Variants in SLC5A8 observed in about 807,000 individuals in gnomAD.
The protein encoded by SLC5A8 is sodium-coupled monocarboxylate transporter 1.
A neutral mutation model predicts 71.9 loss-of-function variants in SLC5A8; 55 were observed. The ratio of observed to expected loss-of-function variants is 0.77; its 90% CI spans 0.62 to 0.96. SLC5A8 has a LOEUF of 0.96. Ranked by LOEUF, SLC5A8 falls within the 40% of genes least tolerant of loss-of-function variation. The pLI is 0.00. For synonymous variants in SLC5A8, 307 were observed against 276.1 expected (o/e 1.11, Z -1.11); for missense variants, 701 against 745.3 (o/e 0.94, Z 0.69).
intron 14 of SLC5A8, 54 bp from the exon 15 acceptor site, chr12:101,157,455 C>A: frequency 6.6e-7 from 1 of 1,521,358 alleles, no homozygotes; most frequent in Non-Finnish European, 8.8e-7. Context: ...GCTCTTCATT[C>A]ATGTAATTCT....
Position 101,209,915 on chromosome 12 carries a change from G to A in SLC5A8, c.-67C>T. ...CCGCGGCGCGCAGCCGGAGCCCGGCGCGCACTTCTTATCCCGGATCCCTGG... is the reference window on the plus strand; with the variant it reads ...CCGCGGCGCGCAGCCGGAGCCCGGCACGCACTTCTTATCCCGGATCCCTGG... On this transcript the variant is annotated 5_prime_UTR_variant, in exon 1 of 15. Coordinates refer to ENST00000536262, the MANE Select transcript of SLC5A8 (RefSeq NM_145913.5). The A allele has an allele frequency of 7.2e-7, 1 of 1,380,908 alleles. No individual in the cohort carries two copies. The highest frequency in any genetic ancestry group is 9.6e-7 in the Non-Finnish European group (1 of 1,044,946). 85.5% of individuals were successfully genotyped at this position (1,380,908 alleles called of 1,614,324 possible).
At chr12:101,174,093 G>A (rs546490633) in intron 10 of SLC5A8, among the ~76,000 whole-genome samples, 95 of 152,326 alleles carry the variant, frequency 6.2e-4, no homozygotes, top group African/African-American at 2.2e-3. Flanking sequence ...ACACTACGGA[G>A]TGTTCCGGAG....
At position 101,200,769 on chromosome 12, in the gene SLC5A8, A is replaced by T. The variant is rs76945811; in HGVS notation, c.469+1395T>A. Among the ~76,000 whole-genome samples the T allele has an allele frequency of 1.7e-3, 252 of 152,264 alleles. 1 individual carries two copies. Among genetic ancestry groups the T allele is most frequent in the African/African-American group, 5.8e-3 (242 of 41,580 alleles). ...AATTAAAATGGACCATGAGTTGATAAATATTAACATAGAGTGATGAATGAG... is the reference window on the plus strand; with the variant it reads ...AATTAAAATGGACCATGAGTTGATATATATTAACATAGAGTGATGAATGAG... On this transcript the variant is annotated intron_variant, in intron 3 of 14. Transcript: ENST00000536262.
chr12:101,189,154 G>C (rs1868792084), intron 6 of SLC5A8, among the ~76,000 whole-genome samples: 1 of 152,156 alleles, frequency 6.6e-6, no homozygotes, highest in South Asian at 2.1e-4. Flanking sequence ...ATGTTCCCAA[G>C]GGAAGAGAAG....
chr12:101,196,830 A>G (rs1024666265), intron 3 of SLC5A8, among the ~76,000 whole-genome samples: 1 of 152,184 alleles, frequency 6.6e-6, no homozygotes, highest in Non-Finnish European at 1.5e-5. Context: ...CTTAAAATCA[A>G]CAGAGGAAAT....
intron 3 of SLC5A8, among the ~76,000 whole-genome samples, chr12:101,195,695 C>CT (rs11338261): frequency 0.014 from 1,341 of 97,312 alleles, 4 homozygotes; most frequent in Non-Finnish European, 0.018. Flanking sequence ...ATGGTAATTC[C>CT]TTTTTTTTTT....
rs1869598546 is a variant in SLC5A8, at chr12:101,204,552, C to T, written c.365G>A (p.Arg122Gln). Residue 122 changes from arginine (R) to glutamine (Q), a missense_variant, in exon 2 of 15, where the codon CGA (arginine) becomes CAA (glutamine). By Grantham distance (43) the Arg-to-Gln change is conservative (BLOSUM62 1). Coordinates refer to ENST00000536262, the MANE Select transcript of SLC5A8 (RefSeq NM_145913.5). The stretch of plus-strand genomic sequence containing the variant: ...ACAGAGACGAACACATTTGTTAAAT[C>T]GAAGTTCTAAATACTGTTGCAAAAA... Reference protein sequence around the residue: ...ITSTYEYLELRFNKCVRLCGT... With the variant: ...ITSTYEYLELQFNKCVRLCGT... 2.5e-6 allele frequency: 4 copies of T among 1,596,988 alleles called. No individual in the cohort carries two copies. Among genetic ancestry groups the T allele is most frequent in the Non-Finnish European group, 2.6e-6 (3 of 1,173,580 alleles).
At chr12:101,175,493 A>G (rs982044347) in intron 10 of SLC5A8, among the ~76,000 whole-genome samples, 1 of 152,092 alleles carries the variant, frequency 6.6e-6, no homozygotes, top group African/African-American at 2.4e-5. Flanking sequence ...GAAGCTGAGT[A>G]ACCCTAAAAA....
At chr12:101,158,598 C>CTCTATATATATATATATATATA (rs1411795424) in intron 13 of SLC5A8, among the ~76,000 whole-genome samples, 1 of 21,242 alleles carries the variant, frequency 4.7e-5, no homozygotes, top group South Asian at 2.0e-3. Flanking sequence ...CTCTCTCTCT[C>CTCTATATATATATATATATATA]TATATATATA....
At chr12:101,186,429 T>C (rs1189409228) in intron 7 of SLC5A8, among the ~76,000 whole-genome samples, 1 of 152,210 alleles carries the variant, frequency 6.6e-6, no homozygotes, top group Non-Finnish European at 1.5e-5. Context: ...TCTATTTTCA[T>C]TCTAATGAAT....
At chr12:101,195,681 G>A (rs1006975694) in intron 3 of SLC5A8, among the ~76,000 whole-genome samples, 1 of 148,672 alleles carries the variant, frequency 6.7e-6, no homozygotes, top group African/African-American at 2.5e-5. Context: ...ATTTAATAAA[G>A]GTAATGGTAA....
At chr12:101,166,794 T>C (rs1426884435) in intron 11 of SLC5A8, 95 bp from the exon 12 acceptor site, 13 of 1,137,798 alleles carry the variant, frequency 1.1e-5, no homozygotes, top group Middle Eastern at 2.2e-4. Flanking sequence ...GGCACGAAAT[T>C]ATAAAACTCA....
intron 5 of SLC5A8, among the ~76,000 whole-genome samples, chr12:101,191,075 A>G (rs922451108): frequency 6.6e-6 from 1 of 152,202 alleles, no homozygotes; most frequent in African/African-American, 2.4e-5. Flanking sequence ...CATAGTTCTA[A>G]TCTATATTCA....
In SLC5A8 at chr12:101,172,395, A is replaced by T. The variant is rs149535618; in HGVS notation, c.1234-4213T>A. Among the ~76,000 whole-genome samples, 1,459 of 152,236 alleles carry T rather than the reference A, an allele frequency of 9.6e-3. 30 individuals are homozygous for T. The highest frequency in any genetic ancestry group is 0.054 in the South Asian group (258 of 4,808). Reference sequence around the variant, plus strand: ...GATGGGTGGTAGGTCAGTGGGTGGGATGACTGGACGACATTGGTATTAAGG... The same window carrying T: ...GATGGGTGGTAGGTCAGTGGGTGGGTTGACTGGACGACATTGGTATTAAGG... On this transcript the variant is annotated intron_variant, in intron 10 of 14. Transcript: ENST00000536262.
chr12:101,181,784 T>G (rs1868374791), intron 9 of SLC5A8, among the ~76,000 whole-genome samples: 1 of 152,336 alleles, frequency 6.6e-6, no homozygotes, highest in African/African-American at 2.4e-5. Flanking sequence ...TCTGAAATTA[T>G]GTTCCAGGAT....
chr12:101,210,180 G>GATAC lies in SLC5A8; in HGVS notation c.-333_-332insGTAT. 3.3e-6 allele frequency: 1 copy of GATAC among 301,126 alleles called. No individual in the cohort carries two copies. The highest frequency in any genetic ancestry group is 5.2e-5 in the Admixed American group (1 of 19,408). The allele number at this position is 301,126 out of a possible 1,614,324, so 18.7% of individuals were successfully genotyped here. A position where few individuals can be genotyped will look rare whatever the true frequency, so the allele number is the denominator to read the frequency against. On this transcript the variant is annotated 5_prime_UTR_variant, in exon 1 of 15. Coordinates refer to ENST00000536262, the MANE Select transcript of SLC5A8 (RefSeq NM_145913.5). ...GGGGACACCTGAGCAGATGAGAACT[G>GATAC]GAGCCTCCAGCTGCTTCCAGCGAAT... is the stretch of plus-strand genomic sequence containing the variant.
Position 101,204,395 on chromosome 12 carries a change from A to T in SLC5A8, c.417+105T>A, listed in dbSNP as rs150444399. The T allele has an allele frequency of 1.1e-5, 11 of 965,784 alleles. No homozygotes were observed. The African/African-American group carries it at 1.3e-4, about 12-fold the overall frequency. 59.8% of individuals were successfully genotyped at this position (965,784 alleles called of 1,614,324 possible). ...TTTTTTGTTCCCTCATTTTTTCAAC[A>T]TCTCTTTTTTGTCTTTTATGTGATT... On this transcript the variant is annotated intron_variant, in intron 2 of 14. Coordinates refer to ENST00000536262, the MANE Select transcript of SLC5A8 (RefSeq NM_145913.5).
chr12:101,180,772 T>G (rs1186478901), intron 9 of SLC5A8, among the ~76,000 whole-genome samples: 1 of 151,066 alleles, frequency 6.6e-6, no homozygotes, highest in Non-Finnish European at 1.5e-5. Flanking sequence ...CAGGCTGGCC[T>G]CAAACTCCTG....
rs199982607 is a variant in SLC5A8, at chr12:101,180,017, G to A, written c.1233+12C>T. 14 of 1,613,772 alleles carry A rather than the reference G, an allele frequency of 8.7e-6. No individual in the cohort carries two copies. The East Asian group carries it at 1.3e-4, about 15-fold the overall frequency. On this transcript the variant is annotated intron_variant, in intron 10 of 14. Coordinates refer to ENST00000536262, the MANE Select transcript of SLC5A8 (RefSeq NM_145913.5). ...TGATTTATGACTTAAACCTCCAGGG[G>A]CCAGCTCTCACCTGCAACAAAGCTC...
Sources: gnomAD v4.1 joint callset for allele counts (sites outside exome capture counted in the v4.1 genomes callset) on GRCh38, gnomAD v4.1.1 for gene constraint, MANE v1.5 for transcripts, NCBI Gene and HGNC (gene_info 2026-07-23, HGNC 2026-07-21) for gene names.